Variants in KCNAB3 observed in about 807,000 individuals in gnomAD.
The protein encoded by KCNAB3 is voltage-gated potassium channel subunit beta-3.
KCNAB3 carries 62 observed loss-of-function variants against 67.7 expected under a neutral mutation model. That is an observed-to-expected ratio of 0.92 (90% CI 0.75 to 1.13). The LOEUF (loss-of-function observed/expected upper bound fraction) is 1.13, where lower values mean the gene tolerates loss of function less well. KCNAB3 is among the 50% of genes most tolerant of loss of function. KCNAB3 has a pLI of 0.00. For missense variants in KCNAB3, 514 were observed against 522.9 expected, an observed-to-expected ratio of 0.98 and a Z score of 0.17; for synonymous variants, 212 against 205.4, an observed-to-expected ratio of 1.03 and a Z score of -0.27.
In KCNAB3 at chr17:7,927,639, A is replaced by G. The variant is rs1972278305; in HGVS notation, c.324+18T>C. On this transcript the variant is annotated intron_variant, in intron 3 of 13. Transcript: ENST00000303790. ...CCCTCACCCCCACCACCCTGATTCT[A>G]GGTCCGATAACTTATACCTCATCTG... The G allele has an allele frequency of 3.7e-6, 6 of 1,613,784 alleles. No homozygotes were observed. In the African/African-American group the frequency reaches 5.3e-5, roughly 14 times the overall value.
intron 8 of KCNAB3, chr17:7,924,852 C>A: frequency 1.7e-6 from 1 of 572,732 alleles, no homozygotes; most frequent in East Asian, 3.3e-5. Flanking sequence ...GAATGATCCT[C>A]CTGCCTCAGC....
intron 4 of KCNAB3, among the ~76,000 whole-genome samples, chr17:7,926,962 G>A (rs78790828): frequency 0.074 from 11,230 of 152,146 alleles, 920 homozygotes; most frequent in African/African-American, 0.2. Flanking sequence ...GCGGACACTC[G>A]GGTCAAGTCT....
rs1241635272 is a variant in KCNAB3, at chr17:7,929,345, C to G, written c.91G>C (p.Gly31Arg). ...CCCCCGCCGGCCGGCCCACCATTACCGCCCCCGGGGCCCGGCCGGGGTCCA... is the reference window on the plus strand; with the variant it reads ...CCCCCGCCGGCCGGCCCACCATTACGGCCCCCGGGGCCCGGCCGGGGTCCA... Reference protein sequence around the residue: ...LCGPRPGPGGGNGGPAGGGHG... With the variant: ...LCGPRPGPGGRNGGPAGGGHG... Residue 31 changes from glycine to arginine, a missense_variant, in exon 1 of 14, where the codon GGT (glycine) becomes CGT (arginine). Coordinates refer to ENST00000303790, the MANE Select transcript of KCNAB3 (RefSeq NM_004732.4). The surrounding 1 kb of genome is among the most constrained non-coding windows in gnomAD (Gnocchi z 5.7). 2 of 1,549,710 alleles carry G rather than the reference C, an allele frequency of 1.3e-6. No homozygotes were observed. Among genetic ancestry groups the G allele is most frequent in the Non-Finnish European group, 1.7e-6 (2 of 1,146,966 alleles).
Position 7,929,534 on chromosome 17 carries a change from C to T in KCNAB3, c.-99G>A. ...ACCGGGGGCGTAGTGGGGCGAACCC[C>T]GGCAGAGCGGGAAGGCTGAGGAGGC... On this transcript the variant is annotated 5_prime_UTR_variant, in exon 1 of 14. Coordinates refer to ENST00000303790, the MANE Select transcript of KCNAB3 (RefSeq NM_004732.4). The surrounding 1 kb of genome is among the most constrained non-coding windows in gnomAD (Gnocchi z 5.7). 4 of 1,519,758 alleles carry T rather than the reference C, an allele frequency of 2.6e-6. No homozygotes were observed. Among genetic ancestry groups the T allele is most frequent in the Non-Finnish European group, 3.5e-6 (4 of 1,138,044 alleles). The allele number at this position is 1,519,758 out of a possible 1,614,324, so 94.1% of individuals were successfully genotyped here.
chr17:7,924,595 G>C (rs886925457), intron 8 of KCNAB3, 95 bp from the exon 9 acceptor site: 3 of 1,488,404 alleles, frequency 2.0e-6, no homozygotes, highest in Admixed American at 4.9e-5. Context: ...AAGGCCCCAG[G>C]CAACTCTATG....
chr17:7,928,189 GTGGTGAGTT>G (rs2151718884), intron 1 of KCNAB3: 2 of 382,500 alleles, frequency 5.2e-6, no homozygotes, highest in East Asian at 1.1e-4. Flanking sequence ...TTGTTTGATT[GTGGTGAGTT>G]TGTGAGACCA....
Position 7,923,540 on chromosome 17 carries a change from C to T in KCNAB3, c.1053G>A (p.Trp351Ter). ...AGCTGACACCCTCACTGCGGAGACA[C>T]CACGCTGGGGCCAGAGGAGGAAAAA... ...GCTVAQLAIA[W>*]CLRSEGVSSV... Residue 351 changes from tryptophan to a stop codon, truncating the protein, a stop_gained, in exon 13 of 14, where the codon TGG becomes TGA. Transcript: ENST00000303790. LOFTEE classifies it high-confidence loss of function. The T allele has an allele frequency of 6.2e-7, 1 of 1,607,174 alleles. No homozygotes were observed. Among genetic ancestry groups the T allele is most frequent in the African/African-American group, 1.3e-5 (1 of 74,638 alleles).
chr17:7,923,871 C>G (rs751043803), intron 11 of KCNAB3, 40 bp from the exon 12 acceptor site: 1 of 1,523,240 alleles, frequency 6.6e-7, no homozygotes, highest in South Asian at 1.2e-5. Flanking sequence ...CCCGCCATCA[C>G]CACCACCACC....
intron 7 of KCNAB3, 169 bp from the exon 8 acceptor site, chr17:7,925,352 A>AC: frequency 1.7e-6 from 1 of 587,494 alleles, no homozygotes; most frequent in Non-Finnish European, 3.0e-6. Flanking sequence ...ACGTGGTGAA[A>AC]CCCCATTTCT....
intron 1 of KCNAB3, chr17:7,928,143 C>CTG: frequency 2.0e-6 from 1 of 504,852 alleles, no homozygotes; most frequent in East Asian, 3.5e-5. Context: ...TTTGAGTCAT[C>CTG]TGTGGGTTGT....
Position 7,929,801 on chromosome 17 carries a change from GCGA to G in KCNAB3, c.-369_-367del. On this transcript the variant is annotated 5_prime_UTR_variant, in exon 1 of 14. Coordinates refer to ENST00000303790, the MANE Select transcript of KCNAB3 (RefSeq NM_004732.4). This position sits in a 1 kb window ranked among gnomAD's most constrained non-coding sequence, Gnocchi z 5.7. ...GGCGGGAGAGAGATGCCACTTCAGC[GCGA>G]ACCGCTGCGGGACCCGCTGGGCTCC... is the stretch of plus-strand genomic sequence containing the variant. 1.5e-4 allele frequency: 167 copies of G among 1,115,732 alleles called. No homozygotes were observed. The highest frequency in any genetic ancestry group is 1.1e-3 in the Admixed American group (22 of 20,374). The allele number at this position is 1,115,732 out of a possible 1,614,324, so 69.1% of individuals were successfully genotyped here.
At chr17:7,923,386 G>A in intron 13 of KCNAB3, 70 bp downstream of exon 13, 2 of 1,470,322 alleles carry the variant, frequency 1.4e-6, no homozygotes, top group Non-Finnish European at 1.9e-6. Flanking sequence ...AGCCATCCTG[G>A]GTTGGATAGC....
Position 7,924,458 on chromosome 17 carries a change from G to A in KCNAB3, c.668C>T (p.Ala223Val). ...CCATCGGGATGTCCCCCAGTATAGG[G>A]CCAGGCCCTGGTTGATGACATAGGT... ...AMTYVINQGL[A>V]LYWGTSRWGA... The change falls in exon 9 of 14, where the codon GCC becomes GTC. Residue 223 changes from alanine (A) to valine (V), a missense_variant. Physicochemically the swap from Ala to Val is moderately conservative, Grantham distance 64 (BLOSUM62 0). Transcript: ENST00000303790. 6.2e-7 allele frequency: 1 copy of A among 1,614,062 alleles called. No homozygotes were observed. Among genetic ancestry groups the A allele is most frequent in the Non-Finnish European group, 8.5e-7 (1 of 1,179,964 alleles).
At position 7,929,580 on chromosome 17, in the gene KCNAB3, A is replaced by G; in HGVS notation, c.-145T>C. On this transcript the variant is annotated 5_prime_UTR_variant, in exon 1 of 14. Transcript: ENST00000303790. This position sits in a 1 kb window ranked among gnomAD's most constrained non-coding sequence, Gnocchi z 5.7. ...GAGGCTGCGGCGGGAGCCGCCAGGC[A>G]GGATCGGGCCCGCGGGGGCGGGCTG... 2.8e-6 allele frequency: 4 copies of G among 1,450,464 alleles called. No individual in the cohort carries two copies. Among genetic ancestry groups the G allele is most frequent in the Admixed American group, 2.6e-5 (1 of 37,742 alleles). 89.8% of individuals were successfully genotyped at this position (1,450,464 alleles called of 1,614,324 possible). A position where few individuals can be genotyped will look rare whatever the true frequency, so the allele number is the denominator to read the frequency against.
chr17:7,924,823 G>T, intron 8 of KCNAB3: 1 of 673,416 alleles, frequency 1.5e-6, no homozygotes, highest in Non-Finnish European at 2.3e-6. Context: ...GCTCACTGTG[G>T]CCTCAAACTC....
Position 7,922,835 on chromosome 17 carries a change from G to A in KCNAB3, c.*267C>T, listed in dbSNP as rs58556339. 4.7e-4 allele frequency: 247 copies of A among 530,244 alleles called. 4 individuals carry two copies. The East Asian group carries it at 4.8e-3, about 10-fold the overall frequency. 32.8% of individuals were successfully genotyped at this position (530,244 alleles called of 1,614,324 possible). A position where few individuals can be genotyped will look rare whatever the true frequency, so the allele number is the denominator to read the frequency against. ...CGAGACGAAGTGGCAGAGAGCCGAC[G>A]GCGAGTAGCTCATGCCCGGGATTTG... On this transcript the variant is annotated 3_prime_UTR_variant, in exon 14 of 14. Coordinates refer to ENST00000303790, the MANE Select transcript of KCNAB3 (RefSeq NM_004732.4).
intron 7 of KCNAB3, chr17:7,925,470 A>G (rs1223693333): frequency 3.3e-6 from 2 of 609,384 alleles, no homozygotes; most frequent in Non-Finnish European, 5.8e-6. Flanking sequence ...AGGAGGTTGC[A>G]GTGAGCCGAG....
chr17:7,928,948 G>T, intron 1 of KCNAB3: 2 of 579,784 alleles, frequency 3.4e-6, no homozygotes, highest in East Asian at 3.1e-5. Context: ...AAGGAGGGAA[G>T]CTCAGGGGCA....
intron 3 of KCNAB3, 115 bp from the exon 4 acceptor site, chr17:7,927,538 C>T (rs1972275059): frequency 9.2e-6 from 14 of 1,515,982 alleles, no homozygotes; most frequent in African/African-American, 1.4e-5. Context: ...TCTCCCCATC[C>T]TCCAGCCTCA....
Sources: gnomAD v4.1 joint callset for allele counts (sites outside exome capture counted in the v4.1 genomes callset) on GRCh38, gnomAD v4.1.1 for gene constraint, Gnocchi (gnomAD v3.1) non-coding constraint, MANE v1.5 for transcripts, NCBI Gene and HGNC (gene_info 2026-07-23, HGNC 2026-07-21) for gene names.